Variants in DSC2 observed in about 807,000 individuals in gnomAD.
DSC2 encodes desmocollin-2.
A neutral mutation model predicts 87.6 loss-of-function variants in DSC2; 51 were observed. That is an observed-to-expected ratio of 0.58 (90% CI 0.46 to 0.74). DSC2 has a LOEUF of 0.74. Among genes scored for constraint, DSC2 ranks in the 30% least tolerant of loss-of-function variants. DSC2 has a pLI of 0.00. For missense variants in DSC2, 1,066 were observed against 1,089.5 expected, an observed-to-expected ratio of 0.98 and a Z score of 0.30; for synonymous variants, 383 against 393.2, an observed-to-expected ratio of 0.97 and a Z score of 0.31.
At position 31,094,024 on chromosome 18, in the gene DSC2, G is replaced by A. The variant is rs1567983881; in HGVS notation, c.70-381C>T. 2.0e-5 allele frequency among the ~76,000 whole-genome samples: 3 copies of A among 152,028 alleles called. No homozygotes were observed. In the South Asian group the frequency reaches 6.2e-4, roughly 32 times the overall value. ...AAAGCTTGTAAACTCAAAGAGTTAT[G>A]TATGCTCTTCAGCTTTGTTTACTAT... On this transcript the variant is annotated intron_variant, in intron 1 of 15. Coordinates refer to ENST00000280904, the MANE Select transcript of DSC2 (RefSeq NM_024422.6).
intron 1 of DSC2, among the ~76,000 whole-genome samples, chr18:31,096,087 A>G (rs1987751908): frequency 1.3e-5 from 2 of 152,198 alleles, no homozygotes; most frequent in South Asian, 4.1e-4. Context: ...ATGAGAAACC[A>G]AAGATTTACT....
At chr18:31,094,582 C>T (rs1480288031) in intron 1 of DSC2, among the ~76,000 whole-genome samples, 2 of 152,142 alleles carry the variant, frequency 1.3e-5, no homozygotes, top group Non-Finnish European at 2.9e-5. Context: ...GTTTTACAAA[C>T]ATCTTTGACC....
At position 31,060,264 on chromosome 18, in the gene DSC2, T is replaced by C. The variant is rs1986475787; in HGVS notation, c.*7751A>G. 1 of 144,478 alleles carries C rather than the reference T, an allele frequency of 6.9e-6. No individual in the cohort carries two copies. Among genetic ancestry groups the C allele is most frequent in the Non-Finnish European group, 1.5e-5 (1 of 65,720 alleles). The allele number at this position is 144,478 out of a possible 1,614,324, so 8.9% of individuals were successfully genotyped here. On this transcript the variant is annotated 3_prime_UTR_variant, in exon 16 of 16. Transcript: ENST00000280904. The stretch of plus-strand genomic sequence containing the variant: ...CTTCTTTTGGATAAATCCCTTTTAC[T>C]TGATTTCATTGGTAATTCTGCATCA...
Position 31,067,975 on chromosome 18 carries a change from T to C in DSC2, c.*40A>G, listed in dbSNP as rs766448845. On this transcript the variant is annotated 3_prime_UTR_variant, in exon 16 of 16. Coordinates refer to ENST00000280904, the MANE Select transcript of DSC2 (RefSeq NM_024422.6). ...CTTGGTTTGTAATTTTTTTTAAAAG[T>C]CATAAAGCCACTGGCTTTCAGAGAC... 6.2e-7 allele frequency: 1 copy of C among 1,600,734 alleles called. No individual in the cohort carries two copies. Among genetic ancestry groups the C allele is most frequent in the Non-Finnish European group, 8.6e-7 (1 of 1,169,296 alleles).
At chr18:31,080,790 G>A (rs1470528943) in intron 9 of DSC2, among the ~76,000 whole-genome samples, 1 of 152,194 alleles carries the variant, frequency 6.6e-6, no homozygotes, top group South Asian at 2.1e-4. Flanking sequence ...GTGGAACTGC[G>A]AGTCAGTTAA....
chr18:31,099,180 T>G (rs1987854933), intron 1 of DSC2, among the ~76,000 whole-genome samples: 1 of 152,158 alleles, frequency 6.6e-6, no homozygotes, highest in Non-Finnish European at 1.5e-5. Context: ...TTGGCAACTG[T>G]GTGATATTTT....
Position 31,080,285 on chromosome 18 carries a change from G to C in DSC2, c.1331C>G (p.Ser444Cys), listed in dbSNP as rs772019678. 6.2e-7 allele frequency: 1 copy of C among 1,613,972 alleles called. No individual in the cohort carries two copies. The highest frequency in any genetic ancestry group is 2.2e-5 in the East Asian group (1 of 44,856). Residue 444 changes from serine to cysteine, a missense_variant, in exon 10 of 16, where the codon TCC becomes TGC. Physicochemically the swap from Ser to Cys is moderately radical, Grantham distance 112 (BLOSUM62 -1). Transcript: ENST00000280904. ...GGCTGATCTTGGACTAGCCTCTCTG[G>C]AAAATGGAGCTTCATTAACTACACC... The part of the protein sequence containing the change: ...QIGVVNEAPF[S>C]REASPRSAMS...
chr18:31,086,660 C>T lies in DSC2; in HGVS notation c.858G>A (p.Gly286=), dbSNP rs1333111256. The T allele has an allele frequency of 1.9e-6, 3 of 1,614,032 alleles. No homozygotes were observed. The highest frequency in any genetic ancestry group is 2.5e-6 in the Non-Finnish European group (3 of 1,180,024). ...ATAGGGTGGGTGATGGTGGCACCTG[C>T]CCAATGATGGAGTACTTCAGGCGTG... is the stretch of plus-strand genomic sequence containing the variant. The part of the protein sequence containing the change: ...MHTRLKYSII[G]QVPPSPTLFS... The change falls in exon 7 of 16, where the codon GGG becomes GGA. Residue 286 remains glycine (G), a synonymous_variant. Transcript: ENST00000280904.
rs1413739393 is a variant in DSC2, at chr18:31,086,711, G to A, written c.807C>T (p.Asp269=). 5 of 1,614,088 alleles carry A rather than the reference G, an allele frequency of 3.1e-6. No individual in the cohort carries two copies. In the Admixed American group the frequency reaches 6.7e-5, roughly 22 times the overall value. ...TGTGCATCGTGTCAGGCTCATCTTT[G>A]TCAGTAGCACACACTTGTCCCACAG... is the stretch of plus-strand genomic sequence containing the variant. ...GTTVGQVCAT[D]KDEPDTMHTR... is the part of the protein sequence containing the mutation. Residue 269 remains aspartate (D), a synonymous_variant, in exon 7 of 16, where the codon GAC becomes GAT. Transcript: ENST00000280904.
chr18:31,070,034 AG>A (rs1986772586), intron 14 of DSC2, among the ~76,000 whole-genome samples: 2 of 152,158 alleles, frequency 1.3e-5, no homozygotes, highest in South Asian at 4.1e-4. Context: ...AGAACACCAA[AG>A]CTTTGGCCAC....
chr18:31,101,882 G>T (rs1367901145), intron 1 of DSC2, 21 bp downstream of exon 1: 4 of 1,529,918 alleles, frequency 2.6e-6, no homozygotes, highest in Non-Finnish European at 3.5e-6. Flanking sequence ...TCCCCGGAGC[G>T]GTGGCCGCGG....
At chr18:31,087,902 C>G in intron 5 of DSC2, 89 bp from the exon 6 acceptor site, 1 of 1,296,680 alleles carries the variant, frequency 7.7e-7, no homozygotes, top group East Asian at 2.4e-5. Context: ...AACTTGGAGA[C>G]TGTTCAGAAC....
intron 9 of DSC2, 79 bp downstream of exon 9, chr18:31,082,159 A>T: frequency 2.6e-6 from 3 of 1,132,090 alleles, no homozygotes; most frequent in Middle Eastern, 2.9e-4. Flanking sequence ...ATTTATCAGA[A>T]TTCCTTTCTT....
intron 8 of DSC2, among the ~76,000 whole-genome samples, chr18:31,082,690 T>C (rs994388927): frequency 1.1e-4 from 16 of 152,120 alleles, no homozygotes; most frequent in Non-Finnish European, 2.2e-4. Flanking sequence ...CCCGAGTAGA[T>C]GGGATTACAG....
Position 31,102,375 on chromosome 18 carries a change from C to T in DSC2, c.-404G>A. Reference sequence around the variant, plus strand: ...CCCCACCACGCCCCGGTGTCCGCTCCGCCAGGCGAGATTAACAGCCGGCCC... The same window carrying T: ...CCCCACCACGCCCCGGTGTCCGCTCTGCCAGGCGAGATTAACAGCCGGCCC... On this transcript the variant is annotated 5_prime_UTR_variant, in exon 1 of 16. Transcript: ENST00000280904. The T allele has an allele frequency of 5.9e-6, 1 of 169,112 alleles. No homozygotes were observed. The highest frequency in any genetic ancestry group is 1.7e-4 in the East Asian group (1 of 6,018). The allele number at this position is 169,112 out of a possible 1,614,324, so 10.5% of individuals were successfully genotyped here.
chr18:31,089,104 G>A (rs1260526299), intron 5 of DSC2, among the ~76,000 whole-genome samples: 4 of 147,238 alleles, frequency 2.7e-5, no homozygotes, highest in African/African-American at 1.0e-4. Context: ...GCCAGAGATT[G>A]CAGTGAGCCG....
intron 1 of DSC2, chr18:31,101,382 G>C (rs1987943610): frequency 5.9e-6 from 4 of 679,924 alleles, no homozygotes; most frequent in Non-Finnish European, 1.8e-6. Flanking sequence ...GCCGCCCAGC[G>C]GTTCCCCTTT....
At chr18:31,094,335 A>G (rs1987699430) in intron 1 of DSC2, among the ~76,000 whole-genome samples, 1 of 152,182 alleles carries the variant, frequency 6.6e-6, no homozygotes, top group Non-Finnish European at 1.5e-5. Context: ...TTTATGTGTT[A>G]CTCCACACAA....
In DSC2 at chr18:31,080,404, A is replaced by C. The variant is rs560598731; in HGVS notation, c.1264-52T>G. The C allele has an allele frequency of 1.9e-6, 3 of 1,598,280 alleles. No individual in the cohort carries two copies. The South Asian group carries it at 3.3e-5, about 18-fold the overall frequency. ...CAGATGAACTCATTTAATATTTGGC[A>C]ATGCTAACGAGTATATATAATGTTA... On this transcript the variant is annotated intron_variant, in intron 9 of 15. Transcript: ENST00000280904.
Sources: gnomAD v4.1 joint callset for allele counts (sites outside exome capture counted in the v4.1 genomes callset) on GRCh38, gnomAD v4.1.1 for gene constraint, MANE v1.5 for transcripts, NCBI Gene and HGNC (gene_info 2026-07-23, HGNC 2026-07-21) for gene names.